LINGO2: variants seen among roughly 807,000 people sequenced by gnomAD.
LINGO2 encodes the protein leucine-rich repeat and immunoglobulin-like domain-containing nogo receptor-interacting protein 2.
Under a neutral mutation model 30.6 loss-of-function variants are expected in LINGO2, and 14 were observed. The ratio of observed to expected loss-of-function variants is 0.46; its 90% CI spans 0.30 to 0.72. The LOEUF (loss-of-function observed/expected upper bound fraction) is 0.72, where lower values mean the gene tolerates loss of function less well. LINGO2 is among the 30% of genes least tolerant of loss of function. LINGO2 has a pLI of 0.07. For missense variants in LINGO2, 729 were observed against 751.7 expected (o/e 0.97, Z 0.35); for synonymous variants, 317 against 288.5 (o/e 1.10, Z -1.00).
chr9:28,944,683 G>A, the LINGO2 span, among the ~76,000 whole-genome samples: 743 of 152,296 alleles, frequency 4.9e-3, 8 homozygotes, highest in African/African-American at 0.017. Flanking sequence ...TGGGACTACA[G>A]GCGTGAGCCA....
intron 2 of LINGO2, among the ~76,000 whole-genome samples, chr9:28,414,964 T>C (rs1427619452): frequency 1.3e-5 from 2 of 152,130 alleles, no homozygotes; most frequent in African/African-American, 4.8e-5. Context: ...ACATATAGTA[T>C]ATCTAAGCAG....
At chr9:27,962,007 G>A (rs1377380588) in intron 5 of LINGO2, among the ~76,000 whole-genome samples, 1 of 152,168 alleles carries the variant, frequency 6.6e-6, no homozygotes, top group African/African-American at 2.4e-5. Flanking sequence ...ACCAAAATGT[G>A]TGGGGTGCCT....
the LINGO2 span, among the ~76,000 whole-genome samples, chr9:28,725,554 A>G: frequency 6.6e-6 from 1 of 151,322 alleles, no homozygotes; most frequent in Non-Finnish European, 1.5e-5. Context: ...CAAAATCTCA[A>G]TCCATGGAAT....
At chr9:28,487,123 T>A (rs1826201132) in intron 1 of LINGO2, among the ~76,000 whole-genome samples, 1 of 152,126 alleles carries the variant, frequency 6.6e-6, no homozygotes, top group Admixed American at 6.6e-5. Context: ...TCCTCACTAA[T>A]CTAACAGATC....
chr9:28,945,614 A>G, the LINGO2 span, among the ~76,000 whole-genome samples: 1 of 152,176 alleles, frequency 6.6e-6, no homozygotes, highest in Non-Finnish European at 1.5e-5. Flanking sequence ...CTGGTTCTGA[A>G]TAATCATGTT....
chr9:29,137,921 C>A, the LINGO2 span, among the ~76,000 whole-genome samples: 1 of 151,868 alleles, frequency 6.6e-6, no homozygotes, highest in Admixed American at 6.6e-5. Flanking sequence ...ACTAATAGGA[C>A]TGTTATGAAG....
intron 5 of LINGO2, among the ~76,000 whole-genome samples, chr9:27,971,510 G>A (rs1207394324): frequency 6.6e-6 from 1 of 152,114 alleles, no homozygotes; most frequent in African/African-American, 2.4e-5. Context: ...AGCCACCCAA[G>A]TAGCTGGGAT....
At chr9:28,040,392 C>T (rs1185285301) in intron 4 of LINGO2, among the ~76,000 whole-genome samples, 2 of 148,928 alleles carry the variant, frequency 1.3e-5, no homozygotes, top group African/African-American at 2.5e-5. Context: ...TCCTTCTCAA[C>T]TTTAAGTGGT....
At chr9:28,970,872 G>A in the LINGO2 span, among the ~76,000 whole-genome samples, 1 of 152,108 alleles carries the variant, frequency 6.6e-6, no homozygotes, top group Admixed American at 6.6e-5. Flanking sequence ...GGACGAGGAG[G>A]GCACACCACC....
At chr9:28,526,013 G>GC (rs1564266708) in intron 1 of LINGO2, among the ~76,000 whole-genome samples, 2 of 120,926 alleles carry the variant, frequency 1.7e-5, no homozygotes, top group African/African-American at 6.6e-5. Flanking sequence ...CCGAGATTGC[G>GC]CCACTGCACT....
At chr9:28,210,748 T>C (rs112682503) in intron 4 of LINGO2, among the ~76,000 whole-genome samples, 144 of 151,768 alleles carry the variant, frequency 9.5e-4, no homozygotes, top group African/African-American at 3.2e-3. Context: ...TCCATGTTCC[T>C]GATACAAATC....
At position 28,387,688 on chromosome 9, in the gene LINGO2, A is replaced by G. The variant is rs1434313408; in HGVS notation, c.-278-14820T>C. On this transcript the variant is annotated intron_variant, in intron 2 of 5. Coordinates refer to ENST00000379992, the Ensembl canonical transcript of LINGO2. ...GGACGCGCCACCTTTAAGAGCTGTA[A>G]CACTCACTGCGAAGGTTTGCAGCTT... 1.8e-4 allele frequency among the ~76,000 whole-genome samples: 28 copies of G among 152,204 alleles called. 1 individual carries two copies. Among genetic ancestry groups the G allele is most frequent in the Admixed American group, 1.8e-3 (28 of 15,276 alleles).
chr9:28,114,395 C>T (rs1161562142), intron 4 of LINGO2, among the ~76,000 whole-genome samples: 2 of 40,930 alleles, frequency 4.9e-5, no homozygotes, highest in African/African-American at 1.4e-4. Flanking sequence ...TGTCTCTGCC[C>T]GGCTTTGGTA....
the LINGO2 span, among the ~76,000 whole-genome samples, chr9:28,714,198 C>CACACACACACAT: frequency 1.2e-3 from 78 of 64,250 alleles, no homozygotes; most frequent in African/African-American, 5.7e-3. Context: ...TACACACATA[C>CACACACACACAT]ACACACACAC....
At chr9:28,440,329 G>A (rs1283575406) in intron 2 of LINGO2, among the ~76,000 whole-genome samples, 1 of 152,134 alleles carries the variant, frequency 6.6e-6, no homozygotes, top group Non-Finnish European at 1.5e-5. Flanking sequence ...TGTGAATACT[G>A]AAGTTATATA....
intron 1 of LINGO2, among the ~76,000 whole-genome samples, chr9:28,638,217 T>C (rs1231459228): frequency 1.3e-5 from 2 of 152,212 alleles, no homozygotes; most frequent in African/African-American, 4.8e-5. Context: ...TGGATTCTTT[T>C]TGCCAGTATT....
chr9:29,074,109 A>G, the LINGO2 span, among the ~76,000 whole-genome samples: 2 of 152,270 alleles, frequency 1.3e-5, no homozygotes, highest in Admixed American at 6.5e-5. Flanking sequence ...AGAAAGATAA[A>G]GAACATTTTA....
intron 1 of LINGO2, among the ~76,000 whole-genome samples, chr9:28,530,368 T>C (rs539363343): frequency 3.9e-5 from 6 of 152,268 alleles, no homozygotes; most frequent in Non-Finnish European, 7.4e-5. Context: ...TTTTACACCA[T>C]GTACAATACA....
chr9:28,186,809 A>T (rs1819557940), intron 4 of LINGO2, among the ~76,000 whole-genome samples: 1 of 152,068 alleles, frequency 6.6e-6, no homozygotes, highest in Admixed American at 6.6e-5. Flanking sequence ...CAGCAAGAGG[A>T]CCAGGGTGCC....
Sources: gnomAD v4.1 joint callset for allele counts (sites outside exome capture counted in the v4.1 genomes callset) on GRCh38, gnomAD v4.1.1 for gene constraint, MANE v1.5 for transcripts, NCBI Gene and HGNC (gene_info 2026-07-23, HGNC 2026-07-21) for gene names.